MAP4: variants seen among roughly 807,000 people sequenced by gnomAD.
MAP4 encodes microtubule-associated protein 4.
MAP4 carries 76 observed loss-of-function variants against 170.2 expected under a neutral mutation model. The ratio of observed to expected loss-of-function variants is 0.45; its 90% CI spans 0.37 to 0.54. The LOEUF (loss-of-function observed/expected upper bound fraction) is 0.54, where lower values mean the gene tolerates loss of function less well. MAP4 is among the 20% of genes least tolerant of loss of function. The pLI, the probability that MAP4 is intolerant of heterozygous loss-of-function variation, is 0.00. For synonymous variants in MAP4, 909 were observed against 994.5 expected, an observed-to-expected ratio of 0.91 and a Z score of 1.62; for missense variants, 2,506 against 2,748.0, an observed-to-expected ratio of 0.91 and a Z score of 1.97.
chr3:47,986,816 A>C (rs1278525953), intron 2 of MAP4, among the ~76,000 whole-genome samples: 3 of 152,200 alleles, frequency 2.0e-5, no homozygotes, highest in Non-Finnish European at 2.9e-5. Flanking sequence ...ATATATATAA[A>C]CTTCCCTAAA....
At chr3:47,972,571 G>A (rs1021931125) in intron 3 of MAP4, among the ~76,000 whole-genome samples, 3 of 152,156 alleles carry the variant, frequency 2.0e-5, no homozygotes, top group Non-Finnish European at 2.9e-5. Flanking sequence ...CTGGATAAAA[G>A]AGAGTTTACA....
intron 4 of MAP4, 126 bp downstream of exon 4, chr3:47,928,102 C>T: frequency 8.8e-7 from 1 of 1,134,042 alleles, no homozygotes; most frequent in Non-Finnish European, 1.3e-6. Flanking sequence ...AGGGACAAAC[C>T]AATGCTAAGG....
intron 1 of MAP4, among the ~76,000 whole-genome samples, chr3:48,011,245 A>C (rs1056383190): frequency 7.2e-5 from 11 of 152,130 alleles, no homozygotes; most frequent in Non-Finnish European, 1.0e-4. Flanking sequence ...CTATAGTAGG[A>C]ACTGGACTTG....
chr3:47,920,353 C>T (rs572327102), intron 5 of MAP4, among the ~76,000 whole-genome samples: 2 of 152,114 alleles, frequency 1.3e-5, no homozygotes, highest in African/African-American at 4.8e-5. Context: ...GTGATCTGCC[C>T]GCCTCTGCCT....
At chr3:47,986,280 T>C (rs1394265886) in intron 2 of MAP4, among the ~76,000 whole-genome samples, 1 of 152,130 alleles carries the variant, frequency 6.6e-6, no homozygotes, top group African/African-American at 2.4e-5. Context: ...CCTGGCTTGC[T>C]TGCAGAATAT....
intron 1 of MAP4, among the ~76,000 whole-genome samples, chr3:48,045,874 G>A (rs1408169713): frequency 1.3e-5 from 2 of 151,644 alleles, no homozygotes; most frequent in Admixed American, 6.6e-5. Context: ...TTAGCCAATT[G>A]TCACACTCCT....
chr3:48,080,011 G>C (rs1231539963), intron 1 of MAP4, among the ~76,000 whole-genome samples: 1 of 151,904 alleles, frequency 6.6e-6, no homozygotes, highest in Non-Finnish European at 1.5e-5. Flanking sequence ...AATAATAAAA[G>C]GCTTAGAAAG....
At chr3:48,000,159 G>A (rs970027158) in intron 1 of MAP4, among the ~76,000 whole-genome samples, 16 of 137,340 alleles carry the variant, frequency 1.2e-4, no homozygotes, top group South Asian at 7.1e-4. Context: ...AGGCTACAGT[G>A]AACCGAGGTT....
At position 47,914,805 on chromosome 3, in the gene MAP4, T is replaced by G; in HGVS notation, c.1999+12A>C. On this transcript the variant is annotated intron_variant, in intron 8 of 20. Coordinates refer to ENST00000683076, the MANE Select transcript of MAP4 (RefSeq NM_001385682.1). ...TTTGTTTCAAAGAGTTCATTTTGTT[T>G]TCCTAACTTACCTGAGGTCTCTGAA... 2 of 1,614,020 alleles carry G rather than the reference T, an allele frequency of 1.2e-6. No homozygotes were observed. Among genetic ancestry groups the G allele is most frequent in the Non-Finnish European group, 1.7e-6 (2 of 1,179,984 alleles).
Position 47,911,567 on chromosome 3 carries a change from A to T in MAP4, c.2854T>A (p.Leu952Met), listed in dbSNP as rs576054756. The T allele has an allele frequency of 5.5e-4, 852 of 1,536,108 alleles. 1 individual carries two copies. Among genetic ancestry groups the T allele is most frequent in the Non-Finnish European group, 6.4e-4 (732 of 1,146,906 alleles). ...IRLKEGCSPF[L>M]DQEVMGVVSK... Reference sequence around the variant, plus strand: ...ACTACACCCATAACCTCTTGGTCCAAGAAAGGAGAGCAACCCTCTTTAAGT... The same window carrying T: ...ACTACACCCATAACCTCTTGGTCCATGAAAGGAGAGCAACCCTCTTTAAGT... The change falls in exon 9 of 21, where the codon TTG becomes ATG. Residue 952 changes from leucine to methionine, a missense_variant. Leu to Met is a conservative substitution (Grantham distance 15). Coordinates refer to ENST00000683076, the MANE Select transcript of MAP4 (RefSeq NM_001385682.1). The surrounding 1 kb of genome is among the most constrained non-coding windows in gnomAD (Gnocchi z 4.0).
intron 2 of MAP4, among the ~76,000 whole-genome samples, chr3:47,985,110 T>A (rs1264653301): frequency 1.3e-5 from 2 of 151,396 alleles, no homozygotes; most frequent in African/African-American, 4.9e-5. Context: ...TGAAACCCCA[T>A]CTCTACCAAA....
At chr3:47,984,244 C>T (rs564155227) in intron 2 of MAP4, among the ~76,000 whole-genome samples, 197 of 151,998 alleles carry the variant, frequency 1.3e-3, no homozygotes, top group Non-Finnish European at 2.2e-3. Context: ...GTACTCTTCC[C>T]GCCTCTGCCT....
In MAP4 at chr3:47,855,860, G is replaced by C. The variant is rs1375070289; in HGVS notation, c.6584-500C>G. 6.6e-6 allele frequency among the ~76,000 whole-genome samples: 1 copy of C among 152,198 alleles called. No homozygotes were observed. Among genetic ancestry groups the C allele is most frequent in the African/African-American group, 2.4e-5 (1 of 41,446 alleles). Reference sequence around the variant, plus strand: ...ACTCACCCAGAGTTACCACCAATCTGCTGATTGACAGTGACAGGTTGTGAA... The same window carrying C: ...ACTCACCCAGAGTTACCACCAATCTCCTGATTGACAGTGACAGGTTGTGAA... On this transcript the variant is annotated intron_variant, in intron 18 of 20. Transcript: ENST00000683076. This position sits in a 1 kb window ranked among gnomAD's most constrained non-coding sequence, Gnocchi z 5.1.
rs768065369 is a variant in MAP4 at position 47,891,989 on chromosome 3, G to C, written c.5434+10961C>G. ...AACATATCTGGTAGGGATGTCAGCAGCCCCAGGGAAATCCAGATCTGACTG... is the reference window on the plus strand; with the variant it reads ...AACATATCTGGTAGGGATGTCAGCACCCCCAGGGAAATCCAGATCTGACTG... On this transcript the variant is annotated intron_variant, in intron 10 of 20. Transcript: ENST00000683076. 97 of 1,536,336 alleles carry C rather than the reference G, an allele frequency of 6.3e-5. 1 individual carries two copies. The African/African-American group carries it at 1.3e-3, about 20-fold the overall frequency.
chr3:48,000,825 T>A (rs2100098704), intron 1 of MAP4, among the ~76,000 whole-genome samples: 1 of 152,220 alleles, frequency 6.6e-6, no homozygotes. Flanking sequence ...TTCAAGCTGT[T>A]ATCCACCGTC....
At chr3:47,973,264 A>G in intron 3 of MAP4, 4 of 953,648 alleles carry the variant, frequency 4.2e-6, no homozygotes, top group Non-Finnish European at 4.9e-6. Context: ...CCAAAAAAGG[A>G]AAAAAAAAGA....
intron 7 of MAP4, among the ~76,000 whole-genome samples, 175 bp from the exon 8 acceptor site, chr3:47,915,114 CTTTT>C (rs367574892): frequency 7.2e-6 from 1 of 138,990 alleles, no homozygotes. Context: ...AGTTATGTTA[CTTTT>C]TTTTTTTTTT....
At chr3:48,064,946 T>C (rs992373611) in intron 1 of MAP4, among the ~76,000 whole-genome samples, 1 of 152,018 alleles carries the variant, frequency 6.6e-6, no homozygotes, top group African/African-American at 2.4e-5. Flanking sequence ...CTCCACTATA[T>C]AGAAAGTACC....
intron 12 of MAP4, among the ~76,000 whole-genome samples, chr3:47,875,156 A>G (rs1462626475): frequency 6.6e-6 from 1 of 152,270 alleles, no homozygotes; most frequent in African/African-American, 2.4e-5. Flanking sequence ...ACATGCTGAG[A>G]TAAGCTGGAA....
Sources: gnomAD v4.1 joint callset for allele counts (sites outside exome capture counted in the v4.1 genomes callset) on GRCh38, gnomAD v4.1.1 for gene constraint, Gnocchi (gnomAD v3.1) non-coding constraint, MANE v1.5 for transcripts, NCBI Gene and HGNC (gene_info 2026-07-23, HGNC 2026-07-21) for gene names.